MYLK: variants seen among roughly 807,000 people sequenced by gnomAD.
MYLK encodes the protein myosin light chain kinase.
In MYLK, 106 loss-of-function variants were observed where a neutral mutation model predicts 203.4. That is an observed-to-expected ratio of 0.52 (90% CI 0.45 to 0.61). The LOEUF is 0.61. Among genes scored for constraint, MYLK ranks in the 20% least tolerant of loss-of-function variants. The probability of loss-of-function intolerance (pLI) is 0.00; values close to 1 mark genes in which losing one functional copy is unlikely to be tolerated. For missense variants in MYLK, 2,072 were observed against 2,442.3 expected, an observed-to-expected ratio of 0.85 and a Z score of 3.20; for synonymous variants, 867 against 959.5, an observed-to-expected ratio of 0.90 and a Z score of 1.78.
chr3:123,705,433 C>G (rs919157155), intron 16 of MYLK, among the ~76,000 whole-genome samples: 1 of 152,168 alleles, frequency 6.6e-6, no homozygotes, highest in Non-Finnish European at 1.5e-5. Context: ...AGAAACTCCC[C>G]AAGCAGAGCC....
chr3:123,730,891 A>C (rs1198135691), intron 11 of MYLK, among the ~76,000 whole-genome samples: 3 of 152,220 alleles, frequency 2.0e-5, no homozygotes, highest in East Asian at 1.9e-4. Flanking sequence ...GTACTTTAAA[A>C]GGGTGCTTTT....
intron 18 of MYLK, chr3:123,693,707 C>T (rs1475868418): frequency 1.3e-5 from 2 of 152,406 alleles, no homozygotes; most frequent in African/African-American, 4.8e-5. Context: ...TGCCAGCTCT[C>T]TCATCCCAGA....
At chr3:123,843,116 C>T (rs984830815) in intron 2 of MYLK, among the ~76,000 whole-genome samples, 1 of 152,228 alleles carries the variant, frequency 6.6e-6, no homozygotes, top group African/African-American at 2.4e-5. Flanking sequence ...CCCCTCACAA[C>T]TCCCGTATCA....
chr3:123,676,406 A>T (rs1387420516), intron 20 of MYLK, among the ~76,000 whole-genome samples: 3 of 152,216 alleles, frequency 2.0e-5, no homozygotes, highest in Non-Finnish European at 4.4e-5. Flanking sequence ...TTTGAATCCC[A>T]TCAGGATTGA....
At chr3:123,717,882 G>T (rs1395280078) in intron 13 of MYLK, among the ~76,000 whole-genome samples, 3 of 120,284 alleles carry the variant, frequency 2.5e-5, no homozygotes, top group Non-Finnish European at 4.8e-5. Context: ...TTGAGACAGG[G>T]TCTTGCTCTG....
chr3:123,631,442 T>C (rs1394927327), intron 29 of MYLK, among the ~76,000 whole-genome samples: 3 of 150,048 alleles, frequency 2.0e-5, no homozygotes, highest in African/African-American at 7.3e-5. Context: ...CCTCCTGCCA[T>C]CAACCTGTCA....
At chr3:123,808,665 G>A (rs1275274050) in intron 3 of MYLK, among the ~76,000 whole-genome samples, 1 of 152,148 alleles carries the variant, frequency 6.6e-6, no homozygotes, top group Non-Finnish European at 1.5e-5. Context: ...TTACAGAAAG[G>A]AAACCTAAGG....
intron 29 of MYLK, among the ~76,000 whole-genome samples, chr3:123,630,974 G>A (rs1185015495): frequency 6.6e-6 from 1 of 152,108 alleles, no homozygotes; most frequent in East Asian, 1.9e-4. Flanking sequence ...CCTTAGACAG[G>A]CCCTGTGCTT....
chr3:123,855,630 C>A (rs745859207), intron 2 of MYLK, among the ~76,000 whole-genome samples: 3 of 151,192 alleles, frequency 2.0e-5, no homozygotes, highest in African/African-American at 2.4e-5. Flanking sequence ...TAGAGTGAGA[C>A]CCTGTCCTTA....
chr3:123,620,584 AACAAG>A, intron 31 of MYLK: 1 of 1,301,426 alleles, frequency 7.7e-7, no homozygotes, highest in African/African-American at 1.5e-5. Context: ...AATGTGACTA[AACAAG>A]GTCAACATGA....
intron 2 of MYLK, among the ~76,000 whole-genome samples, chr3:123,864,020 A>C (rs1175132245): frequency 6.6e-6 from 1 of 152,248 alleles, no homozygotes; most frequent in Admixed American, 6.5e-5. Context: ...TTAGCAATTA[A>C]AAGGAACGGA....
chr3:123,858,814 C>A (rs1302048803), intron 2 of MYLK, among the ~76,000 whole-genome samples: 1 of 152,078 alleles, frequency 6.6e-6, no homozygotes, highest in Non-Finnish European at 1.5e-5. Context: ...TTGGAGCGGA[C>A]GTCCAAAACA....
At chr3:123,661,722 A>G (rs1231852313) in intron 23 of MYLK, among the ~76,000 whole-genome samples, 2 of 152,158 alleles carry the variant, frequency 1.3e-5, no homozygotes. Context: ...GGCCAGGGAG[A>G]GGAACAGAGC....
At chr3:123,824,804 T>C (rs148730141) in intron 3 of MYLK, among the ~76,000 whole-genome samples, 122 of 152,256 alleles carry the variant, frequency 8.0e-4, no homozygotes, top group African/African-American at 2.9e-3. Context: ...TCATAATTCA[T>C]TGTTCAAAGT....
At chr3:123,669,041 C>T (rs920237396) in intron 20 of MYLK, among the ~76,000 whole-genome samples, 19 of 152,218 alleles carry the variant, frequency 1.2e-4, no homozygotes, top group African/African-American at 4.1e-4. Flanking sequence ...ATATGGGTTG[C>T]CCTGTGACCA....
chr3:123,716,964 T>C (rs1433024933), intron 13 of MYLK, among the ~76,000 whole-genome samples: 1 of 152,224 alleles, frequency 6.6e-6, no homozygotes. Flanking sequence ...AAAATATTGG[T>C]TATAAATTTT....
intron 3 of MYLK, among the ~76,000 whole-genome samples, chr3:123,828,734 T>C (rs1242708164): frequency 6.6e-6 from 1 of 152,072 alleles, no homozygotes; most frequent in Non-Finnish European, 1.5e-5. Flanking sequence ...ATCCAGAATA[T>C]ACAAGGAACT....
At chr3:123,866,837 A>G (rs1192336073) in intron 2 of MYLK, among the ~76,000 whole-genome samples, 2 of 152,174 alleles carry the variant, frequency 1.3e-5, no homozygotes, top group African/African-American at 2.4e-5. Context: ...ACAGAAAGGG[A>G]CGTCAGAAGC....
chr3:123,672,196 G>A (rs1292219147), intron 20 of MYLK, among the ~76,000 whole-genome samples: 1 of 120,408 alleles, frequency 8.3e-6, no homozygotes, highest in Non-Finnish European at 1.7e-5. Flanking sequence ...AGAGAGACAG[G>A]GGCAGGGGGA....
Sources: allele counts gnomAD v4.1 joint callset (sites outside exome capture counted in the v4.1 genomes callset), GRCh38; gene constraint gnomAD v4.1.1; transcripts MANE v1.5; gene names NCBI Gene and HGNC (gene_info 2026-07-23, HGNC 2026-07-21).